KLHL13: variants seen among roughly 807,000 people sequenced by gnomAD.
KLHL13 encodes the protein kelch-like protein 13.
A neutral mutation model predicts 37.1 loss-of-function variants in KLHL13; 10 were observed. The observed-to-expected ratio is 0.27, with a 90% CI of 0.17 to 0.46. The LOEUF (loss-of-function observed/expected upper bound fraction) is 0.46, where lower values mean the gene tolerates loss of function less well. Ranked by LOEUF, KLHL13 falls within the 20% of genes least tolerant of loss-of-function variation. The pLI is 1.00. For missense variants in KLHL13, 360 were observed against 509.3 expected, an observed-to-expected ratio of 0.71 and a Z score of 2.82; for synonymous variants, 163 against 181.2, an observed-to-expected ratio of 0.90 and a Z score of 0.81.
rs749874687 is a variant in KLHL13, at chrX:118,028,424, C to T, written c.-55-82849G>A. 47 of 1,104,285 alleles carry T rather than the reference C, an allele frequency of 4.3e-5. No homozygotes were observed. The highest frequency in any genetic ancestry group is 3.0e-4 in the South Asian group (15 of 50,793). The allele number at this position is 1,104,285 out of a possible 1,213,427, so 91.0% of individuals were successfully genotyped here. A position where few individuals can be genotyped will look rare whatever the true frequency, so the allele number is the denominator to read the frequency against. On this transcript the variant is annotated intron_variant, in intron 1 of 6. Transcript: ENST00000371882. Reference sequence around the variant, plus strand: ...AGTTAAACTATTTCCATAAATATACCGGTTACGAAGTATTGCAGCAACCAA... The same window carrying T: ...AGTTAAACTATTTCCATAAATATACTGGTTACGAAGTATTGCAGCAACCAA...
intron 1 of KLHL13, among the ~76,000 whole-genome samples, chrX:118,025,290 T>C (rs777994700): frequency 1.8e-5 from 2 of 111,934 alleles, no homozygotes; most frequent in African/African-American, 3.2e-5. Flanking sequence ...GTCAACCACA[T>C]TCTAAAGAAA....
At chrX:118,031,954 C>T (rs948903842) in intron 1 of KLHL13, among the ~76,000 whole-genome samples, 4 of 110,271 alleles carry the variant, frequency 3.6e-5, no homozygotes, top group Admixed American at 1.9e-4. Context: ...AGGGTGTTCC[C>T]TTTCCTAGTC....
At chrX:117,985,154 C>A in intron 1 of KLHL13, 1 of 670,393 alleles carries the variant, frequency 1.5e-6, no homozygotes, top group Non-Finnish European at 2.2e-6. Flanking sequence ...TTGTATATCG[C>A]TTCACAGCCA....
chrX:118,059,720 T>A (rs759524600), intron 1 of KLHL13, among the ~76,000 whole-genome samples: 16 of 111,537 alleles, frequency 1.4e-4, no homozygotes, highest in African/African-American at 5.2e-4. Context: ...GTGCTTCAGG[T>A]TCTTGGTCCT....
chrX:118,094,865 T>C (rs1477328432), intron 1 of KLHL13, among the ~76,000 whole-genome samples: 1 of 111,361 alleles, frequency 9.0e-6, no homozygotes, highest in African/African-American at 3.3e-5. Flanking sequence ...CCACCAGGCC[T>C]GCCCTAAAAG....
At chrX:117,965,560 C>A (rs959503044) in intron 1 of KLHL13, among the ~76,000 whole-genome samples, 1 of 111,085 alleles carries the variant, frequency 9.0e-6, no homozygotes, top group Non-Finnish European at 1.9e-5. Flanking sequence ...TTGATGAGGC[C>A]AGCATCATCC....
At chrX:118,014,661 A>AT (rs916983750) in intron 1 of KLHL13, among the ~76,000 whole-genome samples, 1 of 112,448 alleles carries the variant, frequency 8.9e-6, no homozygotes, top group African/African-American at 3.2e-5. Context: ...GAACCTGACG[A>AT]TATGTGACTT....
chrX:117,945,523 C>T lies in KLHL13; in HGVS notation c.151G>A (p.Glu51Lys), dbSNP rs182356687. 5.0e-6 allele frequency: 6 copies of T among 1,206,007 alleles called. No homozygotes were observed. The African/African-American group carries it at 7.0e-5, about 14-fold the overall frequency. ...TGCAAATGGGATGAGAGGCCCATTT[C>T]GCTGCCTCCAAGGGACAATTTCATG... Residue 51 changes from glutamate (E) to lysine (K), a missense_variant, in exon 2 of 7, where the codon GAA (glutamate) becomes AAA (lysine). Physicochemically the swap from Glu to Lys is moderately conservative, Grantham distance 56 (BLOSUM62 1). Around this residue, in one of 2 missense-constraint regions of KLHL13, gnomAD observed 194 missense variants for 225.0 expected, o/e 0.86. Transcript: ENST00000262820.
At chrX:117,921,877 C>A in intron 2 of KLHL13, among the ~76,000 whole-genome samples, 2 of 111,812 alleles carry the variant, frequency 1.8e-5, no homozygotes, top group African/African-American at 6.5e-5. Flanking sequence ...TATTTTTATT[C>A]CAAAAATATT....
intron 1 of KLHL13, among the ~76,000 whole-genome samples, chrX:118,012,197 G>A (rs1056833660): frequency 9.0e-6 from 1 of 111,511 alleles, no homozygotes; most frequent in African/African-American, 3.3e-5. Context: ...ACAGCTCCTG[G>A]TATATATTAG....
Position 117,966,786 on chromosome X carries a change from C to A in KLHL13, c.98+5945G>T, listed in dbSNP as rs190863635. Among the ~76,000 whole-genome samples the A allele has an allele frequency of 2.7e-3, 304 of 111,530 alleles. 1 individual carries two copies. The highest frequency in any genetic ancestry group is 9.4e-3 in the African/African-American group (287 of 30,672). On this transcript the variant is annotated intron_variant, in intron 1 of 6. Coordinates refer to ENST00000262820, the Ensembl canonical transcript of KLHL13. ...CTACAGCTATCTGATCTTTGACAAA[C>A]CGGAGAAAAACAAGCAATGGGGAAA...
chrX:117,983,287 G>T (rs2053684427), intron 1 of KLHL13, among the ~76,000 whole-genome samples: 1 of 111,198 alleles, frequency 9.0e-6, no homozygotes, highest in South Asian at 3.8e-4. Flanking sequence ...GAAAATATAA[G>T]GCACAATACA....
At chrX:118,028,882 G>C (rs1294506690) in intron 1 of KLHL13, among the ~76,000 whole-genome samples, 1 of 111,380 alleles carries the variant, frequency 9.0e-6, no homozygotes, top group Non-Finnish European at 1.9e-5. Context: ...TTTTTAAATT[G>C]CACACCATTC....
chrX:118,076,275 G>T (rs1369133742), intron 1 of KLHL13, among the ~76,000 whole-genome samples: 1 of 111,431 alleles, frequency 9.0e-6, no homozygotes, highest in Non-Finnish European at 1.9e-5. Flanking sequence ...TCTTCTGAGA[G>T]ATTTTTTTTA....
At chrX:118,027,355 C>T (rs1286944522) in intron 1 of KLHL13, among the ~76,000 whole-genome samples, 1 of 110,607 alleles carries the variant, frequency 9.0e-6, no homozygotes, top group African/African-American at 3.3e-5. Context: ...GTCTTAAAAA[C>T]CCTTTAAAGA....
At chrX:117,965,530 G>A (rs1449898849) in intron 1 of KLHL13, among the ~76,000 whole-genome samples, 1 of 111,571 alleles carries the variant, frequency 9.0e-6, no homozygotes, top group African/African-American at 3.3e-5. Flanking sequence ...TAAACAAAGA[G>A]GGAATCCTCC....
intron 1 of KLHL13, among the ~76,000 whole-genome samples, chrX:118,004,326 T>C (rs1358267271): frequency 8.9e-6 from 1 of 111,862 alleles, no homozygotes; most frequent in Admixed American, 9.5e-5. Context: ...AAAAGGGCCT[T>C]GGAACAGCAA....
At chrX:118,051,262 C>T (rs376757655) in intron 1 of KLHL13, among the ~76,000 whole-genome samples, 26 of 110,523 alleles carry the variant, frequency 2.4e-4, no homozygotes, top group East Asian at 8.4e-4. Flanking sequence ...AATTTATGGC[C>T]GGGTACGGTG....
chrX:117,950,671 T>C (rs1047676152), intron 1 of KLHL13, among the ~76,000 whole-genome samples: 43 of 110,998 alleles, frequency 3.9e-4, no homozygotes, highest in Non-Finnish European at 7.9e-4. Flanking sequence ...ACAAAACAGG[T>C]TGGTTAATCA....
Sources: gnomAD v4.1 joint callset for allele counts (sites outside exome capture counted in the v4.1 genomes callset) on GRCh38, gnomAD v4.1.1 for gene constraint, gnomAD v4.1.1 regional missense constraint, MANE v1.5 for transcripts, NCBI Gene and HGNC (gene_info 2026-07-23, HGNC 2026-07-21) for gene names.